The following LRRFIP1 variants were observed in gnomAD, a reference collection of about 807,000 sequenced individuals.
The protein encoded by LRRFIP1 is leucine-rich repeat flightless-interacting protein 1.
LRRFIP1 carries 62 observed loss-of-function variants against 104.4 expected under a neutral mutation model. The observed-to-expected ratio is 0.59, with a 90% CI of 0.48 to 0.73. The LOEUF (loss-of-function observed/expected upper bound fraction) is 0.73, where lower values mean the gene tolerates loss of function less well. Ranked by LOEUF, LRRFIP1 falls within the 30% of genes least tolerant of loss-of-function variation. LRRFIP1 has a pLI of 0.00. For synonymous variants in LRRFIP1, 300 were observed against 299.0 expected (o/e 1.00, Z -0.03); for missense variants, 796 against 824.5 (o/e 0.97, Z 0.42).
chr2:237,649,062 C>T lies in LRRFIP1; in HGVS notation c.96+21322C>T, dbSNP rs2085445507. On this transcript the variant is annotated intron_variant, in intron 1 of 23. Coordinates refer to ENST00000308482, the MANE Select transcript of LRRFIP1 (RefSeq NM_001137550.2). The surrounding 1 kb of genome is among the most constrained non-coding windows in gnomAD (Gnocchi z 4.1). ...TCCTTTGTTGCCTCCCATCTGTGGT[C>T]AGCACGGAGGCTGCCCTGGGTCTTG... Among the ~76,000 whole-genome samples the T allele has an allele frequency of 6.6e-6, 1 of 151,884 alleles. No individual in the cohort carries two copies. Among genetic ancestry groups the T allele is most frequent in the African/African-American group, 2.4e-5 (1 of 41,414 alleles).
chr2:237,692,693 G>A (rs1403150793), intron 1 of LRRFIP1, among the ~76,000 whole-genome samples: 1 of 152,154 alleles, frequency 6.6e-6, no homozygotes, highest in African/African-American at 2.4e-5. Context: ...TCCGTGAGTG[G>A]CCCGGCGAGC....
chr2:237,689,566 C>T (rs1367817877), intron 1 of LRRFIP1, among the ~76,000 whole-genome samples: 1 of 152,228 alleles, frequency 6.6e-6, no homozygotes, highest in Non-Finnish European at 1.5e-5. Flanking sequence ...GCATGGTCCC[C>T]TCCCTGCCAC....
At chr2:237,762,824 G>C in intron 19 of LRRFIP1, 1 of 1,614,180 alleles carries the variant, frequency 6.2e-7, no homozygotes. Flanking sequence ...TGAGGAACAG[G>C]TTCAAAGCCA....
intron 11 of LRRFIP1, among the ~76,000 whole-genome samples, chr2:237,739,640 A>G (rs1335232787): frequency 3.3e-5 from 5 of 152,206 alleles, no homozygotes; most frequent in Admixed American, 2.6e-4. Context: ...GACAGTGTTT[A>G]AGGTAAAGCG....
At chr2:237,720,128 G>A (rs934622617) in intron 5 of LRRFIP1, among the ~76,000 whole-genome samples, 6 of 152,008 alleles carry the variant, frequency 3.9e-5, no homozygotes, top group African/African-American at 1.4e-4. Context: ...TGTATTTTTG[G>A]TAGAGACGGA....
intron 1 of LRRFIP1, among the ~76,000 whole-genome samples, chr2:237,628,642 G>C (rs2081932854): frequency 6.6e-6 from 1 of 152,186 alleles, no homozygotes; most frequent in African/African-American, 2.4e-5. Flanking sequence ...TGAATGCAAA[G>C]AAAGTCTCTG....
Position 237,707,911 on chromosome 2 carries a change from A to C in LRRFIP1, c.97-633A>C, listed in dbSNP as rs372608634. 1.2e-4 allele frequency among the ~76,000 whole-genome samples: 19 copies of C among 152,174 alleles called. No homozygotes were observed. In the East Asian group the frequency reaches 2.1e-3, roughly 17 times the overall value. The stretch of plus-strand genomic sequence containing the variant: ...TCTTCATTGTGTTGGGAAAAGGTGG[A>C]CTCCCAGCACGGCTGTGTTTTAAGG... On this transcript the variant is annotated intron_variant, in intron 1 of 23. Coordinates refer to ENST00000308482, the MANE Select transcript of LRRFIP1 (RefSeq NM_001137550.2).
intron 1 of LRRFIP1, among the ~76,000 whole-genome samples, chr2:237,700,016 T>G (rs940437222): frequency 6.6e-6 from 1 of 152,076 alleles, no homozygotes; most frequent in Non-Finnish European, 1.5e-5. Context: ...CATGGGGTGG[T>G]GGGTACACGG....
intron 11 of LRRFIP1, among the ~76,000 whole-genome samples, chr2:237,743,737 T>TTG (rs2057429403): frequency 6.6e-6 from 1 of 152,114 alleles, no homozygotes; most frequent in South Asian, 2.1e-4. Flanking sequence ...TGATCACACG[T>TTG]TGTGAAGCCC....
At chr2:237,775,209 A>G (rs1426409976) in intron 23 of LRRFIP1, among the ~76,000 whole-genome samples, 1 of 152,236 alleles carries the variant, frequency 6.6e-6, no homozygotes, top group Admixed American at 6.5e-5. Flanking sequence ...GTAGGTGGCC[A>G]AGGAAGACTT....
At chr2:237,713,276 C>T (rs140593385) in intron 2 of LRRFIP1, among the ~76,000 whole-genome samples, 27 of 152,266 alleles carry the variant, frequency 1.8e-4, no homozygotes, top group African/African-American at 6.0e-4. Flanking sequence ...AGCACACAGA[C>T]GGCGAGAACC....
In LRRFIP1 at chr2:237,766,327, A is replaced by G. The variant is rs1183899762; in HGVS notation, c.1460-3616A>G. On this transcript the variant is annotated intron_variant, in intron 19 of 23. Coordinates refer to ENST00000308482, the MANE Select transcript of LRRFIP1 (RefSeq NM_001137550.2). This position sits in a 1 kb window ranked among gnomAD's most constrained non-coding sequence, Gnocchi z 4.8. The stretch of plus-strand genomic sequence containing the variant: ...GTGGGGATGATAAATGCTTGCTAGG[A>G]AATAAGTCCAAGGGCTCTATAGGAC... Among the ~76,000 whole-genome samples the G allele has an allele frequency of 7.2e-6, 1 of 139,444 alleles. No homozygotes were observed. The allele number at this position is 139,444 out of a possible 152,430, so 91.5% of individuals were successfully genotyped here.
At chr2:237,768,392 A>G (rs2150905705) in intron 19 of LRRFIP1, 1 of 152,360 alleles carries the variant, frequency 6.6e-6, no homozygotes, top group Non-Finnish European at 1.5e-5. Context: ...AGTTTTCTAG[A>G]AGAAAACAAT....
At chr2:237,757,435 T>C in intron 16 of LRRFIP1, 21 bp from the exon 17 acceptor site, 3 of 1,529,442 alleles carry the variant, frequency 2.0e-6, no homozygotes, top group Non-Finnish European at 2.7e-6. Context: ...TTATCTGCTT[T>C]CTGTCTGTTC....
At chr2:237,713,373 TA>T (rs561980552) in intron 2 of LRRFIP1, among the ~76,000 whole-genome samples, 67 of 152,340 alleles carry the variant, frequency 4.4e-4, no homozygotes, top group African/African-American at 1.5e-3. Flanking sequence ...GAGAATAATG[TA>T]CATATTCTTG....
chr2:237,655,513 C>G (rs1450438884), intron 1 of LRRFIP1, among the ~76,000 whole-genome samples: 3 of 152,174 alleles, frequency 2.0e-5, no homozygotes, highest in African/African-American at 7.2e-5. Flanking sequence ...AGATGACTCT[C>G]AAATCTCACA....
At chr2:237,701,097 T>C (rs1344479450) in intron 1 of LRRFIP1, among the ~76,000 whole-genome samples, 1 of 152,176 alleles carries the variant, frequency 6.6e-6, no homozygotes, top group East Asian at 1.9e-4. Flanking sequence ...TCAGGAAATG[T>C]ATGAGCAGTG....
intron 8 of LRRFIP1, among the ~76,000 whole-genome samples, chr2:237,733,334 A>G (rs1230844857): frequency 6.6e-6 from 1 of 152,328 alleles, no homozygotes; most frequent in South Asian, 2.1e-4. Context: ...GGCCCCTGGC[A>G]TAGAAATAAA....
At chr2:237,690,756 A>T (rs2092705154) in intron 1 of LRRFIP1, among the ~76,000 whole-genome samples, 1 of 152,016 alleles carries the variant, frequency 6.6e-6, no homozygotes, top group Non-Finnish European at 1.5e-5. Flanking sequence ...AAAAAGAAAG[A>T]AAGAAAGAAT....
Sources: allele counts gnomAD v4.1 joint callset (sites outside exome capture counted in the v4.1 genomes callset), GRCh38; gene constraint gnomAD v4.1.1; non-coding constraint Gnocchi (gnomAD v3.1); transcripts MANE v1.5; gene names NCBI Gene and HGNC (gene_info 2026-07-23, HGNC 2026-07-21).